NRCAM: variants seen among roughly 807,000 people sequenced by gnomAD.
The protein encoded by NRCAM is NgCAM-related cell adhesion molecule.
A neutral mutation model predicts 156.5 loss-of-function variants in NRCAM; 83 were observed. The ratio of observed to expected loss-of-function variants is 0.53; its 90% CI spans 0.44 to 0.64. NRCAM has a LOEUF of 0.64. Ranked by LOEUF, NRCAM falls within the 30% of genes least tolerant of loss-of-function variation. NRCAM has a pLI of 0.00. For missense variants in NRCAM, 1,417 were observed against 1,597.3 expected, an observed-to-expected ratio of 0.89 and a Z score of 1.92; for synonymous variants, 538 against 563.9, an observed-to-expected ratio of 0.95 and a Z score of 0.65.
At chr7:108,438,078 T>C (rs6954998) in intron 1 of NRCAM, among the ~76,000 whole-genome samples, 143,716 of 151,386 alleles carry the variant, frequency 0.95, 68,354 homozygotes, top group African/African-American at 0.99. Flanking sequence ...AAAATATTCC[T>C]AAAAGAAAAA....
intron 1 of NRCAM, among the ~76,000 whole-genome samples, chr7:108,419,892 A>G (rs1806940662): frequency 6.6e-6 from 1 of 152,192 alleles, no homozygotes; most frequent in African/African-American, 2.4e-5. Flanking sequence ...GAGAAGGGAA[A>G]TGAGTGTATG....
intron 3 of NRCAM, among the ~76,000 whole-genome samples, chr7:108,254,557 T>C (rs2096536913): frequency 6.7e-6 from 1 of 150,360 alleles, no homozygotes; most frequent in Non-Finnish European, 1.5e-5. Context: ...TTTGCTTTTT[T>C]TTTTTTTTTG....
At chr7:108,293,387 C>G (rs968869259) in intron 3 of NRCAM, among the ~76,000 whole-genome samples, 1 of 152,174 alleles carries the variant, frequency 6.6e-6, no homozygotes, top group African/African-American at 2.4e-5. Flanking sequence ...GCTAGCTGCC[C>G]TTCCTTCCTG....
intron 2 of NRCAM, among the ~76,000 whole-genome samples, chr7:108,314,496 T>TAAA (rs1398073366): frequency 6.6e-6 from 1 of 152,160 alleles, no homozygotes; most frequent in African/African-American, 2.4e-5. Context: ...GATGTATTTT[T>TAAA]AAAGTAGCCT....
At chr7:108,388,241 G>C (rs1206468719) in intron 2 of NRCAM, among the ~76,000 whole-genome samples, 1 of 152,048 alleles carries the variant, frequency 6.6e-6, no homozygotes, top group African/African-American at 2.4e-5. Flanking sequence ...ACTTTTTAAT[G>C]ATCTCCATTC....
intron 2 of NRCAM, among the ~76,000 whole-genome samples, chr7:108,327,701 T>A (rs535234190): frequency 1.9e-4 from 29 of 152,212 alleles, no homozygotes; most frequent in East Asian, 3.9e-4. Context: ...TGATATTTTT[T>A]AAAAAATGTG....
intron 1 of NRCAM, among the ~76,000 whole-genome samples, chr7:108,455,395 G>A (rs907856011): frequency 6.6e-6 from 1 of 152,146 alleles, no homozygotes; most frequent in Non-Finnish European, 1.5e-5. Context: ...CAGCATCCCG[G>A]GCGGAGCGGA....
chr7:108,332,111 T>C (rs1358502448), intron 2 of NRCAM, among the ~76,000 whole-genome samples: 1 of 152,182 alleles, frequency 6.6e-6, no homozygotes, highest in African/African-American at 2.4e-5. Flanking sequence ...GGAGACAAGT[T>C]AAGTGTCACG....
intron 8 of NRCAM, among the ~76,000 whole-genome samples, chr7:108,228,249 G>A (rs1284547927): frequency 6.6e-6 from 1 of 152,046 alleles, no homozygotes; most frequent in African/African-American, 2.4e-5. Flanking sequence ...CTGAACCCGG[G>A]AGGCAGAGGC....
intron 32 of NRCAM, chr7:108,156,445 C>T (rs1263947217): frequency 1.0e-6 from 1 of 982,646 alleles, no homozygotes; most frequent in Admixed American, 6.2e-5. Flanking sequence ...GCAGATCCTA[C>T]TGTCTGTATA....
intron 1 of NRCAM, among the ~76,000 whole-genome samples, chr7:108,454,282 G>T (rs1404893205): frequency 6.6e-6 from 1 of 152,128 alleles, no homozygotes; most frequent in Non-Finnish European, 1.5e-5. Context: ...GTATCTCCCT[G>T]GTTTTGAACA....
In NRCAM at chr7:108,191,773, G is replaced by T. The variant is rs2071791492; in HGVS notation, c.1859C>A (p.Thr620Asn). Residue 620 changes from threonine to asparagine, a missense_variant, in exon 18 of 33, where the codon ACC becomes AAC. Physicochemically the swap from Thr to Asn is moderately conservative, Grantham distance 65. Coordinates refer to ENST00000379028, the MANE Select transcript of NRCAM (RefSeq NM_001037132.4). Reference protein sequence around the residue: ...DSGTYTCVANTTLDSVSASAV... With the variant: ...DSGTYTCVANNTLDSVSASAV... ...GCTGGCGGAGACGCTGTCCAGAGTG[G>T]TGTTGGCCACACACGTGTAGGTCCC... 3 of 1,613,938 alleles carry T rather than the reference G, an allele frequency of 1.9e-6. No homozygotes were observed. Among genetic ancestry groups the T allele is most frequent in the Non-Finnish European group, 2.5e-6 (3 of 1,180,020 alleles).
intron 31 of NRCAM, 55 bp downstream of exon 31, chr7:108,160,306 A>T: frequency 6.6e-7 from 1 of 1,506,100 alleles, no homozygotes; most frequent in Non-Finnish European, 9.2e-7. Context: ...TGATCTTTTT[A>T]GTTTAATGGA....
chr7:108,310,778 G>A (rs13236767), intron 3 of NRCAM, among the ~76,000 whole-genome samples: 82,361 of 151,842 alleles, frequency 0.54, 23,791 homozygotes, highest in East Asian at 0.82. Flanking sequence ...AACCATTCAC[G>A]AAACCAAAAA....
chr7:108,282,811 C>A (rs1035517332), intron 3 of NRCAM, among the ~76,000 whole-genome samples: 1 of 152,164 alleles, frequency 6.6e-6, no homozygotes, highest in Non-Finnish European at 1.5e-5. Context: ...TAGTAAAAGA[C>A]ACGACCTTCA....
At chr7:108,384,412 G>C (rs548498684) in intron 2 of NRCAM, among the ~76,000 whole-genome samples, 7 of 152,080 alleles carry the variant, frequency 4.6e-5, no homozygotes, top group African/African-American at 1.7e-4. Context: ...ATGGGTTGGG[G>C]GAAAGAAAAG....
At chr7:108,445,879 G>A (rs966814297) in intron 1 of NRCAM, among the ~76,000 whole-genome samples, 2 of 152,134 alleles carry the variant, frequency 1.3e-5, no homozygotes, top group African/African-American at 4.8e-5. Flanking sequence ...CATCTTAAGG[G>A]AGAAAGTTCC....
intron 2 of NRCAM, among the ~76,000 whole-genome samples, chr7:108,338,876 T>C (rs2099241045): frequency 6.6e-6 from 1 of 152,174 alleles, no homozygotes; most frequent in Admixed American, 6.5e-5. Context: ...ACCCATAGCT[T>C]TCCTATAAAA....
At position 108,184,235 on chromosome 7, in the gene NRCAM, G is replaced by A. The variant is rs770805696; in HGVS notation, c.2304+6C>T. 1 of 1,610,794 alleles carries A rather than the reference G, an allele frequency of 6.2e-7. No individual in the cohort carries two copies. The highest frequency in any genetic ancestry group is 1.1e-5 in the South Asian group (1 of 90,904). On this transcript the variant is annotated splice_donor_region_variant and intron_variant, in intron 22 of 32. Transcript: ENST00000379028. ...AGCGAATAAATTTGAAGGCATCATA[G>A]CTCACCTTCCACGTAATCACCAAAT...
Sources: gnomAD v4.1 joint callset for allele counts (sites outside exome capture counted in the v4.1 genomes callset) on GRCh38, gnomAD v4.1.1 for gene constraint, MANE v1.5 for transcripts, NCBI Gene and HGNC (gene_info 2026-07-23, HGNC 2026-07-21) for gene names.